The following MS4A18 variants were observed in gnomAD, a reference collection of about 807,000 sequenced individuals.
MS4A18 encodes the protein membrane-spanning 4-domains subfamily A member 18.
MS4A18 carries 27 observed loss-of-function variants against 13.1 expected under a neutral mutation model. The ratio of observed to expected loss-of-function variants is 2.06; its 90% CI spans 1.52 to 2.84. The LOEUF is 2.84. Ranked by LOEUF, MS4A18 falls within the 30% of genes most tolerant of loss-of-function variation. MS4A18 has a pLI of 0.00. For missense variants in MS4A18, 307 were observed against 196.4 expected (o/e 1.56, Z -3.37); for synonymous variants, 126 against 76.5 (o/e 1.65, Z -3.38).
chr11:60,738,800 T>C (rs1853377985), intron 3 of MS4A18, 102 bp from the exon 5 acceptor site: 1 of 629,360 alleles, frequency 1.6e-6, no homozygotes, highest in Non-Finnish European at 2.8e-6. Flanking sequence ...AACTCTTTTC[T>C]GCCCTGCCTT....
chr11:60,737,021 C>A, exon 3 of MS4A18: 1 of 702,592 alleles, frequency 1.4e-6, no homozygotes, highest in South Asian at 1.5e-5. Context: ...GCAAAGGACC[C>A]CAGTCCTTGT....
At chr11:60,735,660 G>GTTTT (rs1853327336) in intron 2 of MS4A18, among the ~76,000 whole-genome samples, 1 of 108,862 alleles carries the variant, frequency 9.2e-6, no homozygotes, top group Non-Finnish European at 1.8e-5. Flanking sequence ...TCATTCCCTT[G>GTTTT]CTTTTTTTTT....
At chr11:60,728,170 C>T (rs1482569093), upstream of MS4A18, among the ~76,000 whole-genome samples, 1 of 152,240 alleles carries the variant, frequency 6.6e-6, no homozygotes, top group African/African-American at 2.4e-5. Context: ...ATGGTTCCTC[C>T]TGGATGTCAA....
chr11:60,727,970 T>C (rs1368201123), upstream of MS4A18, among the ~76,000 whole-genome samples: 1 of 152,172 alleles, frequency 6.6e-6, no homozygotes, highest in Non-Finnish European at 1.5e-5. Flanking sequence ...TTTCTAATGC[T>C]CAAGATTCAG....
intron 1 of MS4A18, among the ~76,000 whole-genome samples, chr11:60,732,591 C>T (rs1277496153): frequency 6.6e-6 from 1 of 151,840 alleles, no homozygotes; most frequent in Non-Finnish European, 1.5e-5. Flanking sequence ...ATTAGCCTGG[C>T]TGGGTGGCAG....
At chr11:60,737,527 T>C (rs1753020024) in intron 3 of MS4A18, among the ~76,000 whole-genome samples, 1 of 152,204 alleles carries the variant, frequency 6.6e-6, no homozygotes, top group African/African-American at 2.4e-5. Context: ...GTGAGAGCAA[T>C]ACCTGCCTTG....
intron 3 of MS4A18, among the ~76,000 whole-genome samples, chr11:60,738,058 C>A (rs952410772): frequency 6.6e-6 from 1 of 152,240 alleles, no homozygotes; most frequent in Non-Finnish European, 1.5e-5. Context: ...TCCTCTCTTG[C>A]TCTGACATCT....
chr11:60,725,494 T>A (rs1287034350), upstream of MS4A18, among the ~76,000 whole-genome samples: 3 of 152,140 alleles, frequency 2.0e-5, no homozygotes, highest in African/African-American at 4.8e-5. Flanking sequence ...TCTTTGTTCC[T>A]GACATTTTCC....
upstream of MS4A18, among the ~76,000 whole-genome samples, chr11:60,727,495 G>A (rs1853183963): frequency 6.6e-6 from 1 of 152,144 alleles, no homozygotes; most frequent in South Asian, 2.1e-4. Flanking sequence ...ATTAAATAAT[G>A]CCAATTCATC....
chr11:60,744,956 C>T (rs889984516), downstream of MS4A18, among the ~76,000 whole-genome samples: 9 of 152,216 alleles, frequency 5.9e-5, no homozygotes, highest in African/African-American at 2.2e-4. Context: ...AAAGTATACA[C>T]TTACCATATG....
upstream of MS4A18, among the ~76,000 whole-genome samples, chr11:60,728,971 G>A (rs767316448): frequency 2.0e-5 from 3 of 152,192 alleles, no homozygotes; most frequent in Non-Finnish European, 4.4e-5. Context: ...AGGGCAGGGG[G>A]CAAGATGGGG....
At chr11:60,735,156 T>G (rs973824864) in intron 2 of MS4A18, among the ~76,000 whole-genome samples, 11 of 152,206 alleles carry the variant, frequency 7.2e-5, no homozygotes, top group African/African-American at 2.7e-4. Flanking sequence ...TTAAGTTGTG[T>G]GTATTTTACC....
At chr11:60,731,618 TTAG>T (rs1853254767) in intron 1 of MS4A18, among the ~76,000 whole-genome samples, 1 of 152,232 alleles carries the variant, frequency 6.6e-6, no homozygotes, top group Admixed American at 6.5e-5. Context: ...CATTCTGTTT[TTAG>T]TAGTAGTATT....
intron 1 of MS4A18, among the ~76,000 whole-genome samples, chr11:60,732,308 T>G (rs188154874): frequency 6.6e-6 from 1 of 152,030 alleles, no homozygotes; most frequent in East Asian, 1.9e-4. Context: ...ACACAGGACT[T>G]GCAGGGGACA....
At chr11:60,727,823 A>G (rs1209520329), upstream of MS4A18, among the ~76,000 whole-genome samples, 1 of 152,236 alleles carries the variant, frequency 6.6e-6, no homozygotes, top group East Asian at 1.9e-4. Context: ...TCTGAGGGCT[A>G]CATGCCTACC....
intron 3 of MS4A18, 127 bp downstream of exon 4, chr11:60,737,161 A>G: frequency 1.6e-6 from 1 of 644,184 alleles, no homozygotes; most frequent in Non-Finnish European, 2.8e-6. Flanking sequence ...GCATTTCCAT[A>G]CCTTATTCCA....
chr11:60,743,588 T>C, intron 5 of MS4A18, 62 bp from the exon 7 acceptor site: 1 of 667,748 alleles, frequency 1.5e-6, no homozygotes, highest in Non-Finnish European at 2.7e-6. Context: ...AGAAAAAAAT[T>C]ATGGCCATTG....
intron 5 of MS4A18, among the ~76,000 whole-genome samples, chr11:60,741,589 C>G (rs1428739701): frequency 6.6e-6 from 1 of 152,206 alleles, no homozygotes; most frequent in Non-Finnish European, 1.5e-5. Context: ...TAATGTCCCA[C>G]TGGTCACAGT....
At chr11:60,733,736 C>G (rs1853292592) in intron 2 of MS4A18, 89 bp downstream of exon 3, 2 of 698,624 alleles carry the variant, frequency 2.9e-6, no homozygotes, top group East Asian at 5.4e-5. Context: ...AATCCCATTC[C>G]CAGTAATATG....
Sources: gnomAD v4.1 joint callset for allele counts (sites outside exome capture counted in the v4.1 genomes callset) on GRCh38, gnomAD v4.1.1 for gene constraint, MANE v1.5 for transcripts, NCBI Gene and HGNC (gene_info 2026-07-23, HGNC 2026-07-21) for gene names.